TPH2: variants seen among roughly 807,000 people sequenced by gnomAD.
TPH2 encodes the protein tryptophan hydroxylase 2, also known as tryptophan 5-hydroxylase 2.
A neutral mutation model predicts 59.1 loss-of-function variants in TPH2; 27 were observed. The ratio of observed to expected loss-of-function variants is 0.46; its 90% CI spans 0.34 to 0.63. The LOEUF is 0.63. Among genes scored for constraint, TPH2 ranks in the 30% least tolerant of loss-of-function variants. The pLI, the probability that TPH2 is intolerant of heterozygous loss-of-function variation, is 0.01. For missense variants in TPH2, 523 were observed against 588.3 expected (o/e 0.89, Z 1.15); for synonymous variants, 220 against 210.5 (o/e 1.05, Z -0.39).
chr12:72,005,906 G>A (rs1043926351), intron 8 of TPH2, among the ~76,000 whole-genome samples: 7 of 151,948 alleles, frequency 4.6e-5, no homozygotes, highest in Non-Finnish European at 7.4e-5. Flanking sequence ...ATCAATACTC[G>A]CCCCTTTCAT....
chr12:71,954,592 G>T (rs977413654), intron 5 of TPH2, among the ~76,000 whole-genome samples: 1 of 152,148 alleles, frequency 6.6e-6, no homozygotes, highest in African/African-American at 2.4e-5. Context: ...TGGAGGAAGA[G>T]GAAATTATGA....
rs1327009569 is a variant in TPH2 at position 71,938,994 on chromosome 12, C to T, written c.8C>T (p.Pro3Leu). Reference sequence around the variant, plus strand: ...AATATTACACCGGGATCCATGCAGCCAGCAATGATGATGTTTTCCAGTAAA... The same window carrying T: ...AATATTACACCGGGATCCATGCAGCTAGCAATGATGATGTTTTCCAGTAAA... MQ[P>L]AMMMFSSKYW... Residue 3 changes from proline (P) to leucine (L), a missense_variant, in exon 1 of 11, where the codon CCA (proline) becomes CTA (leucine). Coordinates refer to ENST00000333850, the MANE Select transcript of TPH2 (RefSeq NM_173353.4). 1.2e-6 allele frequency: 2 copies of T among 1,613,928 alleles called. No individual in the cohort carries two copies. The highest frequency in any genetic ancestry group is 4.5e-5 in the East Asian group (2 of 44,880).
chr12:71,978,182 G>A (rs1198384993), intron 6 of TPH2, among the ~76,000 whole-genome samples: 2 of 150,962 alleles, frequency 1.3e-5, no homozygotes, highest in African/African-American at 4.9e-5. Flanking sequence ...AGCAATGCAC[G>A]ACTCTATACA....
chr12:71,990,644 G>A (rs1490210318), intron 7 of TPH2, among the ~76,000 whole-genome samples: 1 of 152,164 alleles, frequency 6.6e-6, no homozygotes, highest in African/African-American at 2.4e-5. Context: ...AAACACAGTG[G>A]GATAGAGAAC....
At chr12:71,943,236 G>C (rs1229911971) in intron 2 of TPH2, among the ~76,000 whole-genome samples, 1 of 152,124 alleles carries the variant, frequency 6.6e-6, no homozygotes, top group African/African-American at 2.4e-5. Flanking sequence ...ATATAGGAGA[G>C]GGTGCTGTTT....
intron 8 of TPH2, among the ~76,000 whole-genome samples, chr12:72,009,668 A>G (rs1401534474): frequency 1.3e-5 from 2 of 152,204 alleles, no homozygotes; most frequent in African/African-American, 4.8e-5. Context: ...ATTGGCTTTC[A>G]ACAGTCCTGT....
rs1872193170 is a variant in TPH2 at position 71,978,899 on chromosome 12, C to T, written c.806-53C>T. On this transcript the variant is annotated intron_variant, in intron 6 of 10. Coordinates refer to ENST00000333850, the MANE Select transcript of TPH2 (RefSeq NM_173353.4). ...AAATAGTAGAAGCTCCTGCTTGGGC[C>T]CTCAAGTCTTGCTGGGTTAATATTT... is the stretch of plus-strand genomic sequence containing the variant. 1.9e-6 allele frequency: 3 copies of T among 1,612,358 alleles called. No homozygotes were observed. The East Asian group carries it at 6.7e-5, about 36-fold the overall frequency.
At chr12:71,980,879 T>C (rs562977734) in intron 7 of TPH2, among the ~76,000 whole-genome samples, 1 of 152,336 alleles carries the variant, frequency 6.6e-6, no homozygotes, top group African/African-American at 2.4e-5. Context: ...TTATGTGCAA[T>C]GCTAGCAGGG....
At chr12:71,952,868 C>T (rs74104736) in intron 5 of TPH2, among the ~76,000 whole-genome samples, 3,125 of 152,266 alleles carry the variant, frequency 0.021, 94 homozygotes, top group African/African-American at 0.069. Flanking sequence ...CAACACATGA[C>T]CAATGATTAT....
At chr12:71,972,411 A>T in intron 5 of TPH2, 108 bp from the exon 6 acceptor site, 2 of 1,042,578 alleles carry the variant, frequency 1.9e-6, no homozygotes, top group Non-Finnish European at 3.0e-6. Context: ...TCAGACGCTC[A>T]TGTGCTCCAC....
At chr12:72,000,511 T>A (rs1872796465) in intron 8 of TPH2, among the ~76,000 whole-genome samples, 1 of 152,180 alleles carries the variant, frequency 6.6e-6, no homozygotes, top group Non-Finnish European at 1.5e-5. Context: ...TCCTGACAGA[T>A]CTCACATCAT....
chr12:71,997,372 C>T (rs1307522332), intron 8 of TPH2, among the ~76,000 whole-genome samples: 1 of 152,176 alleles, frequency 6.6e-6, no homozygotes, highest in African/African-American at 2.4e-5. Flanking sequence ...TTCACAGGTT[C>T]TGGGGATTAG....
At chr12:72,025,156 A>G (rs1873532820) in intron 9 of TPH2, among the ~76,000 whole-genome samples, 2 of 152,114 alleles carry the variant, frequency 1.3e-5, no homozygotes, top group Non-Finnish European at 2.9e-5. Context: ...AACTTTATTA[A>G]TAGCGTTATC....
At chr12:71,972,428 A>G in intron 5 of TPH2, 91 bp from the exon 6 acceptor site, 1 of 1,289,478 alleles carries the variant, frequency 7.8e-7, no homozygotes. Flanking sequence ...CCACTTTGCC[A>G]GGGTCTGACT....
rs1026244573 is a variant in TPH2, at chr12:72,031,774, A to T, written c.*79A>T. 7.0e-5 allele frequency: 108 copies of T among 1,541,198 alleles called. No individual in the cohort carries two copies. The highest frequency in any genetic ancestry group is 9.1e-5 in the Non-Finnish European group (102 of 1,116,722). On this transcript the variant is annotated 3_prime_UTR_variant, in exon 11 of 11. Coordinates refer to ENST00000333850, the MANE Select transcript of TPH2 (RefSeq NM_173353.4). Reference sequence around the variant, plus strand: ...CAGTCAATGTCATATAACGCAAATAACCTTCTGTGTCATGGCTTGGCTAAT... The same window carrying T: ...CAGTCAATGTCATATAACGCAAATATCCTTCTGTGTCATGGCTTGGCTAAT...
intron 7 of TPH2, among the ~76,000 whole-genome samples, chr12:71,984,300 G>A (rs1872370629): frequency 6.6e-6 from 1 of 152,134 alleles, no homozygotes. Context: ...AAAAATAAAA[G>A]TGAATTATTT....
At chr12:72,027,464 C>A (rs1873602323) in intron 9 of TPH2, among the ~76,000 whole-genome samples, 1 of 152,142 alleles carries the variant, frequency 6.6e-6, no homozygotes, top group Non-Finnish European at 1.5e-5. Context: ...TTAGTATTTC[C>A]ATTTTCCAGA....
chr12:71,974,504 C>T (rs1057333597), intron 6 of TPH2, among the ~76,000 whole-genome samples: 1 of 147,988 alleles, frequency 6.8e-6, no homozygotes, highest in Admixed American at 6.9e-5. Flanking sequence ...TTCTCTGACT[C>T]TGACCCTTCT....
chr12:71,944,059 C>A (rs1871139877), intron 2 of TPH2, among the ~76,000 whole-genome samples: 1 of 151,816 alleles, frequency 6.6e-6, no homozygotes, highest in African/African-American at 2.4e-5. Flanking sequence ...TTTAAATGCC[C>A]CTTCTATTTT....
Sources: gnomAD v4.1 joint callset for allele counts (sites outside exome capture counted in the v4.1 genomes callset) on GRCh38, gnomAD v4.1.1 for gene constraint, MANE v1.5 for transcripts, NCBI Gene and HGNC (gene_info 2026-07-23, HGNC 2026-07-21) for gene names.